PCSK6: variants seen among roughly 807,000 people sequenced by gnomAD.
The protein encoded by PCSK6 is proprotein convertase subtilisin/kexin type 6.
In PCSK6, 85 loss-of-function variants were observed where a neutral mutation model predicts 123.3. The ratio of observed to expected loss-of-function variants is 0.69; its 90% CI spans 0.58 to 0.83. The LOEUF is 0.83. Among genes scored for constraint, PCSK6 ranks in the 40% least tolerant of loss-of-function variants. PCSK6 has a pLI of 0.00. For synonymous variants in PCSK6, 508 were observed against 516.0 expected (o/e 0.98, Z 0.21); for missense variants, 1,191 against 1,282.3 (o/e 0.93, Z 1.09).
chr15:101,410,052 C>T (rs140920494), intron 6 of PCSK6, among the ~76,000 whole-genome samples: 5,535 of 152,278 alleles, frequency 0.036, 256 homozygotes, highest in African/African-American at 0.11. Context: ...CCTGCCTCAG[C>T]CTCCTGAGTG....
intron 18 of PCSK6, among the ~76,000 whole-genome samples, chr15:101,321,673 G>A (rs1409391379): frequency 6.6e-6 from 1 of 152,242 alleles, no homozygotes; most frequent in African/African-American, 2.4e-5. Context: ...GTGTGTTGCA[G>A]CCCTCCACCG....
chr15:101,404,252 A>G (rs1184911021), intron 6 of PCSK6, among the ~76,000 whole-genome samples: 3 of 152,200 alleles, frequency 2.0e-5, no homozygotes, highest in Admixed American at 6.5e-5. Flanking sequence ...GTTTGCTGGC[A>G]TCTATTGTAA....
chr15:101,373,621 A>G (rs561089950), intron 11 of PCSK6, among the ~76,000 whole-genome samples: 83 of 152,344 alleles, frequency 5.4e-4, no homozygotes, highest in African/African-American at 1.9e-3. Context: ...TTTCATGATC[A>G]TTGTGCTCAA....
intron 13 of PCSK6, chr15:101,336,964 G>A (rs901421790): frequency 6.6e-6 from 1 of 151,906 alleles, no homozygotes; most frequent in Non-Finnish European, 1.5e-5. Context: ...TTGACCTAAG[G>A]TTAGGTTTAG....
intron 20 of PCSK6, chr15:101,313,014 T>A (rs1174562169): frequency 7.7e-6 from 9 of 1,169,226 alleles, no homozygotes; most frequent in Non-Finnish European, 9.6e-6. Context: ...CCAAAAAAAT[T>A]TTTTTTTAAC....
chr15:101,470,207 T>C (rs908832039), intron 1 of PCSK6, among the ~76,000 whole-genome samples: 2 of 152,224 alleles, frequency 1.3e-5, no homozygotes, highest in African/African-American at 4.8e-5. Context: ...TTAATATATT[T>C]TATTTCACCA....
chr15:101,442,838 T>C (rs2056791655), intron 2 of PCSK6, among the ~76,000 whole-genome samples: 1 of 152,196 alleles, frequency 6.6e-6, no homozygotes. Flanking sequence ...ACATATCACA[T>C]ATTTTTCTAT....
At chr15:101,312,839 G>A (rs1596167982) in intron 20 of PCSK6, among the ~76,000 whole-genome samples, 2 of 151,128 alleles carry the variant, frequency 1.3e-5, no homozygotes, top group South Asian at 4.2e-4. Context: ...CAAAAAAAAC[G>A]AAAACAAAAA....
At chr15:101,409,792 A>G (rs1221675620) in intron 6 of PCSK6, among the ~76,000 whole-genome samples, 1 of 152,070 alleles carries the variant, frequency 6.6e-6, no homozygotes, top group Non-Finnish European at 1.5e-5. Context: ...AGCAGGTTCC[A>G]CTCCGGCCAA....
At chr15:101,459,288 T>C in intron 1 of PCSK6, among the ~76,000 whole-genome samples, 1 of 152,160 alleles carries the variant, frequency 6.6e-6, no homozygotes, top group East Asian at 1.9e-4. Context: ...TCCATCCTGT[T>C]GCCCAGCTGT....
intron 1 of PCSK6, among the ~76,000 whole-genome samples, chr15:101,479,408 C>T (rs111844443): frequency 1.3e-3 from 193 of 152,314 alleles, no homozygotes; most frequent in African/African-American, 4.5e-3. Context: ...AAGAATCCTA[C>T]GGATGGCCGT....
At chr15:101,429,838 G>C in intron 5 of PCSK6, 149 bp downstream of exon 5, 1 of 672,546 alleles carries the variant, frequency 1.5e-6, no homozygotes, top group Non-Finnish European at 2.6e-6. Flanking sequence ...GCCTGGCATG[G>C]CCTGTGACTC....
intron 6 of PCSK6, among the ~76,000 whole-genome samples, chr15:101,424,119 C>A (rs765800944): frequency 6.6e-5 from 10 of 151,850 alleles, no homozygotes; most frequent in Non-Finnish European, 1.0e-4. Context: ...CCTGCAGTCC[C>A]AGATACTTGG....
At chr15:101,322,930 A>T (rs1871977) in intron 17 of PCSK6, among the ~76,000 whole-genome samples, 91 of 151,802 alleles carry the variant, frequency 6.0e-4, no homozygotes, top group Non-Finnish European at 1.3e-3. Flanking sequence ...TCTTCATGAA[A>T]GTGGCCGGGT....
intron 2 of PCSK6, among the ~76,000 whole-genome samples, chr15:101,438,358 T>C (rs1478816851): frequency 6.6e-6 from 1 of 152,202 alleles, no homozygotes. Flanking sequence ...TTCTAAAGTA[T>C]TTACATAGAA....
chr15:101,443,748 C>T (rs533992146), intron 1 of PCSK6, 88 bp from the exon 2 acceptor site: 2 of 893,618 alleles, frequency 2.2e-6, no homozygotes, highest in East Asian at 2.4e-5. Context: ...TCCCCCTTAT[C>T]TGAGGGGCTC....
chr15:101,370,489 C>A lies in PCSK6; in HGVS notation c.1567G>T (p.Ala523Ser). Residue 523 changes from alanine (A) to serine (S), a missense_variant, in exon 12 of 22, where the codon GCC becomes TCC. Physicochemically the swap from Ala to Ser is moderately conservative, Grantham distance 99. Around this residue, in one of 3 missense-constraint regions of PCSK6, gnomAD observed 630 missense variants for 631.4 expected, o/e 1.00. Transcript: ENST00000611716. ...TGCTCCGCGCAGGCGCTGGTCAGGG[C>A]CGTAGTCCGCAGCACCTGCACTAAG... ...IPLVQVLRTT[A>S]LTSACAEHSD... 1.3e-6 allele frequency: 2 copies of A among 1,537,434 alleles called. No individual in the cohort carries two copies. The highest frequency in any genetic ancestry group is 8.8e-7 in the Non-Finnish European group (1 of 1,138,864).
At position 101,460,984 on chromosome 15, in the gene PCSK6, A is replaced by G. The variant is rs142673174; in HGVS notation, c.298-17324T>C. On this transcript the variant is annotated intron_variant, in intron 1 of 21. Coordinates refer to ENST00000611716, the MANE Select transcript of PCSK6 (RefSeq NM_002570.5). The stretch of plus-strand genomic sequence containing the variant: ...GATTAAGCATCAAACTAAAAAGTTA[A>G]AAGAAAAAAAAATGAGAAGAAGGTA... Among the ~76,000 whole-genome samples, 919 of 152,302 alleles carry G rather than the reference A, an allele frequency of 6.0e-3. 9 individuals carry two copies. The highest frequency in any genetic ancestry group is 0.02 in the African/African-American group (833 of 41,552).
At chr15:101,475,786 G>A (rs1464595144) in intron 1 of PCSK6, among the ~76,000 whole-genome samples, 1 of 151,660 alleles carries the variant, frequency 6.6e-6, no homozygotes, top group Non-Finnish European at 1.5e-5. Context: ...CCACTGTGCT[G>A]GCCAAGCAAC....
Sources: gnomAD v4.1 joint callset for allele counts (sites outside exome capture counted in the v4.1 genomes callset) on GRCh38, gnomAD v4.1.1 for gene constraint, gnomAD v4.1.1 regional missense constraint, MANE v1.5 for transcripts, NCBI Gene and HGNC (gene_info 2026-07-23, HGNC 2026-07-21) for gene names.